Variants in ARFGEF2 observed in about 807,000 individuals in gnomAD.
The protein encoded by ARFGEF2 is ARF guanine nucleotide exchange factor 2, also known as brefeldin A-inhibited guanine nucleotide-exchange protein 2.
In ARFGEF2, 74 loss-of-function variants were observed where a neutral mutation model predicts 219.9. That is an observed-to-expected ratio of 0.34 (90% CI 0.28 to 0.41). The LOEUF (loss-of-function observed/expected upper bound fraction) is 0.41, where lower values mean the gene tolerates loss of function less well. ARFGEF2 is among the 10% of genes least tolerant of loss of function. ARFGEF2 has a pLI of 1.00. For missense variants in ARFGEF2, 1,743 were observed against 2,218.3 expected (o/e 0.79, Z 4.30); for synonymous variants, 733 against 799.2 (o/e 0.92, Z 1.40).
At chr20:48,953,935 T>G (rs1271355923) in intron 6 of ARFGEF2, 145 bp downstream of exon 6, 8 of 880,338 alleles carry the variant, frequency 9.1e-6, no homozygotes, top group Non-Finnish European at 1.5e-5. Flanking sequence ...TGCTTTTCTC[T>G]TAGGGAACAC....
chr20:48,961,004 C>T (rs185468323), intron 6 of ARFGEF2, among the ~76,000 whole-genome samples: 13 of 150,588 alleles, frequency 8.6e-5, no homozygotes, highest in Middle Eastern at 3.4e-3. Flanking sequence ...CTCTTGAACC[C>T]GGGAGGCGGA....
At chr20:48,929,603 G>A (rs1048717682) in intron 1 of ARFGEF2, among the ~76,000 whole-genome samples, 34 of 152,308 alleles carry the variant, frequency 2.2e-4, no homozygotes, top group African/African-American at 6.0e-4. Flanking sequence ...TTCTGCCAGG[G>A]CAGTGAACAG....
chr20:49,028,187 G>A (rs538782523), intron 36 of ARFGEF2, among the ~76,000 whole-genome samples: 1 of 152,224 alleles, frequency 6.6e-6, no homozygotes, highest in African/African-American at 2.4e-5. Flanking sequence ...GAACCTGGGA[G>A]GCGGAGGTTG....
In ARFGEF2 at chr20:48,998,316, T is replaced by G; in HGVS notation, c.3263-20T>G. ...TGTTCCTAACGAGGCTTTGCTTGTG[T>G]TGTTGGGTCTGGCCTGTAGTTGACT... On this transcript the variant is annotated intron_variant, in intron 24 of 38. Coordinates refer to ENST00000371917, the MANE Select transcript of ARFGEF2 (RefSeq NM_006420.3). The G allele has an allele frequency of 6.2e-7, 1 of 1,614,178 alleles. No individual in the cohort carries two copies. Among genetic ancestry groups the G allele is most frequent in the East Asian group, 2.2e-5 (1 of 44,890 alleles).
At chr20:49,011,451 C>A (rs1352223418) in intron 27 of ARFGEF2, among the ~76,000 whole-genome samples, 1 of 152,174 alleles carries the variant, frequency 6.6e-6, no homozygotes, top group Admixed American at 6.5e-5. Flanking sequence ...AAAATAAATA[C>A]AACAACTTGC....
intron 3 of ARFGEF2, among the ~76,000 whole-genome samples, chr20:48,947,853 C>A (rs577703116): frequency 2.0e-5 from 3 of 152,166 alleles, no homozygotes; most frequent in Non-Finnish European, 4.4e-5. Context: ...GAGACCCCAT[C>A]TCAAAATAAA....
At chr20:48,959,567 CTCCCTCCTTCCTTCCCTCCCTCCCTCTT>C in intron 6 of ARFGEF2, among the ~76,000 whole-genome samples, 1 of 74,004 alleles carries the variant, frequency 1.4e-5, no homozygotes, top group Non-Finnish European at 2.8e-5. Context: ...CCCTCCCTCC[CTCCCTCCTTCCTTCCCTCCCTCCCTCTT>C]TCCCTCCTTC....
chr20:48,985,829 A>G (rs547615332), intron 16 of ARFGEF2, among the ~76,000 whole-genome samples: 2 of 152,246 alleles, frequency 1.3e-5, no homozygotes, highest in South Asian at 4.1e-4. Flanking sequence ...ATTGAGGACC[A>G]GAGAGGTTAA....
intron 13 of ARFGEF2, 135 bp downstream of exon 13, chr20:48,975,009 A>G: frequency 1.3e-6 from 1 of 753,972 alleles, no homozygotes; most frequent in South Asian, 1.5e-5. Flanking sequence ...ATTATTTTGA[A>G]AGTCCTGCTT....
chr20:48,921,824 G>T lies in ARFGEF2; in HGVS notation c.-66G>T. 1 of 1,414,556 alleles carries T rather than the reference G, an allele frequency of 7.1e-7. No individual in the cohort carries two copies. The highest frequency in any genetic ancestry group is 3.3e-5 in the East Asian group (1 of 30,068). The allele number at this position is 1,414,556 out of a possible 1,614,324, so 87.6% of individuals were successfully genotyped here. A position where few individuals can be genotyped will look rare whatever the true frequency, so the allele number is the denominator to read the frequency against. ...TGCCGGCCGGGACGCCGGGCCCGCAGCCTAGCTCGCCATCTCGCTCACGCC... is the reference window on the plus strand; with the variant it reads ...TGCCGGCCGGGACGCCGGGCCCGCATCCTAGCTCGCCATCTCGCTCACGCC... On this transcript the variant is annotated 5_prime_UTR_variant, in exon 1 of 39. Transcript: ENST00000371917.
rs560908620 is a variant in ARFGEF2 at position 48,999,462 on chromosome 20, T to C, written c.3432+957T>C. ...GGGAACAAAGCAATCAAAAGAAATGTATGTGGCCGGGCGTCATGGCTCACG... is the reference window on the plus strand; with the variant it reads ...GGGAACAAAGCAATCAAAAGAAATGCATGTGGCCGGGCGTCATGGCTCACG... On this transcript the variant is annotated intron_variant, in intron 25 of 38. Coordinates refer to ENST00000371917, the MANE Select transcript of ARFGEF2 (RefSeq NM_006420.3). Among the ~76,000 whole-genome samples, 15 of 151,192 alleles carry C rather than the reference T, an allele frequency of 9.9e-5. No homozygotes were observed. The South Asian group carries it at 2.7e-3, about 28-fold the overall frequency.
At chr20:48,949,383 A>G (rs1368203439) in intron 3 of ARFGEF2, among the ~76,000 whole-genome samples, 3 of 152,288 alleles carry the variant, frequency 2.0e-5, no homozygotes, top group East Asian at 1.9e-4. Flanking sequence ...AGAACAAGCA[A>G]TGTCAAAACC....
intron 14 of ARFGEF2, among the ~76,000 whole-genome samples, chr20:48,980,679 A>G (rs1327413351): frequency 2.0e-5 from 3 of 152,312 alleles, no homozygotes; most frequent in East Asian, 3.9e-4. Context: ...TATTGGGTGC[A>G]TATATATTTA....
chr20:48,973,099 C>T, intron 11 of ARFGEF2, 46 bp from the exon 12 acceptor site: 1 of 1,611,644 alleles, frequency 6.2e-7, no homozygotes, highest in South Asian at 1.1e-5. Flanking sequence ...GAAAACCTAA[C>T]TGCTATTTGA....
Position 48,985,602 on chromosome 20 carries a change from A to AT in ARFGEF2, c.2266dup (p.Cys756LeufsTer10), listed in dbSNP as rs2091322400. The AT allele has an allele frequency of 6.2e-7, 1 of 1,614,068 alleles. No homozygotes were observed. Among genetic ancestry groups the AT allele is most frequent in the Non-Finnish European group, 8.5e-7 (1 of 1,180,048 alleles). On this transcript the variant is annotated frameshift_variant, in exon 16 of 39. Transcript: ENST00000371917. LOFTEE classifies it high-confidence loss of function. ...AGAAGTTTGCCGCAAGATACATAGA[A>AT]TGCAACCAAGGGTGAGCGCCGATTT...
At chr20:48,927,794 G>T (rs995587826) in intron 1 of ARFGEF2, among the ~76,000 whole-genome samples, 1 of 152,138 alleles carries the variant, frequency 6.6e-6, no homozygotes, top group Non-Finnish European at 1.5e-5. Flanking sequence ...GTTTTGATGA[G>T]ACATTTCGTT....
intron 3 of ARFGEF2, among the ~76,000 whole-genome samples, chr20:48,948,186 C>A (rs1323641054): frequency 6.6e-6 from 1 of 152,178 alleles, no homozygotes; most frequent in East Asian, 1.9e-4. Flanking sequence ...GCCCCAAACC[C>A]AATTGCCTGT....
At chr20:48,936,307 C>G (rs1335384340) in intron 1 of ARFGEF2, among the ~76,000 whole-genome samples, 2 of 149,516 alleles carry the variant, frequency 1.3e-5, no homozygotes, top group Non-Finnish European at 1.5e-5. Flanking sequence ...GCTGACCCCC[C>G]CCACCTCCCT....
chr20:48,983,843 A>G (rs780177715), intron 14 of ARFGEF2, among the ~76,000 whole-genome samples: 6 of 152,192 alleles, frequency 3.9e-5, no homozygotes, highest in Non-Finnish European at 7.3e-5. Context: ...TTACTCATGA[A>G]TATCACCCTC....
Sources: allele counts gnomAD v4.1 joint callset (sites outside exome capture counted in the v4.1 genomes callset), GRCh38; gene constraint gnomAD v4.1.1; transcripts MANE v1.5; gene names NCBI Gene and HGNC (gene_info 2026-07-23, HGNC 2026-07-21).